EHMT1: variants seen among roughly 807,000 people sequenced by gnomAD.
EHMT1 encodes the protein histone-lysine N-methyltransferase EHMT1.
A neutral mutation model predicts 147.2 loss-of-function variants in EHMT1; 15 were observed. The ratio of observed to expected loss-of-function variants is 0.10; its 90% CI spans 0.07 to 0.16. The LOEUF is 0.16. Among genes scored for constraint, EHMT1 ranks in the 10% least tolerant of loss-of-function variants. EHMT1 has a pLI of 1.00. For missense variants in EHMT1, 1,587 were observed against 1,772.4 expected (o/e 0.90, Z 1.88); for synonymous variants, 795 against 709.6 (o/e 1.12, Z -1.91).
chr9:137,708,860 C>T (rs1319707836), intron 1 of EHMT1, among the ~76,000 whole-genome samples: 3 of 152,300 alleles, frequency 2.0e-5, no homozygotes, highest in Middle Eastern at 3.4e-3. Flanking sequence ...GCCAGTTGTT[C>T]TTTTAAGTGA....
Position 137,736,986 on chromosome 9 carries a change from T to G in EHMT1, c.824-6385T>G, listed in dbSNP as rs1451745413. On this transcript the variant is annotated intron_variant, in intron 4 of 26. Transcript: ENST00000460843. ...GAGAGGCCACGGTGAGCTGGTCACT[T>G]GAGCTCAGGAGTTCCAGAGCGGCCT... is the stretch of plus-strand genomic sequence containing the variant. Among the ~76,000 whole-genome samples the G allele has an allele frequency of 3.3e-5, 5 of 152,138 alleles. No individual in the cohort carries two copies. The East Asian group carries it at 9.6e-4, about 29-fold the overall frequency.
At chr9:137,638,705 G>T (rs911417533) in intron 1 of EHMT1, among the ~76,000 whole-genome samples, 5 of 152,038 alleles carry the variant, frequency 3.3e-5, no homozygotes, top group Admixed American at 2.0e-4. Context: ...AGTTGAGTAG[G>T]GTAGGCCTCT....
intron 1 of EHMT1, among the ~76,000 whole-genome samples, chr9:137,679,965 C>A (rs566676470): frequency 6.6e-6 from 1 of 152,286 alleles, no homozygotes; most frequent in South Asian, 2.1e-4. Flanking sequence ...CTTCTCCTCC[C>A]AGTACTTAGC....
At chr9:137,756,599 T>C (rs1412924247) in intron 8 of EHMT1, among the ~76,000 whole-genome samples, 2 of 152,142 alleles carry the variant, frequency 1.3e-5, no homozygotes, top group African/African-American at 4.8e-5. Context: ...TTCAGTTACG[T>C]TTCTCTTCAC....
intron 1 of EHMT1, among the ~76,000 whole-genome samples, chr9:137,703,439 C>T (rs879327917): frequency 2.0e-5 from 3 of 152,152 alleles, no homozygotes; most frequent in Non-Finnish European, 2.9e-5. Context: ...TTCGTGCACG[C>T]ATGTGAGTGT....
intron 13 of EHMT1, 124 bp from the exon 14 acceptor site, chr9:137,779,511 G>T (rs1951217681): frequency 4.0e-6 from 4 of 991,962 alleles, no homozygotes; most frequent in Admixed American, 4.0e-5. Context: ...AGCTTCATGT[G>T]TGGGACGCGG....
rs186836651 is a variant in EHMT1, at chr9:137,786,582, G to A, written c.2382+4185G>A. The A allele has an allele frequency of 3.4e-3, 530 of 156,694 alleles. 2 individuals carry two copies. Among genetic ancestry groups the A allele is most frequent in the Non-Finnish European group, 5.3e-3 (378 of 71,388 alleles). The allele number at this position is 156,694 out of a possible 1,614,324, so 9.7% of individuals were successfully genotyped here. On this transcript the variant is annotated intron_variant, in intron 15 of 26. Coordinates refer to ENST00000460843, the MANE Select transcript of EHMT1 (RefSeq NM_024757.5). The surrounding 1 kb of genome is among the most constrained non-coding windows in gnomAD (Gnocchi z 4.3). ...TCTCCCGGGCTCCGGTCTTGGTCGT[G>A]TGGAGTCATCTCTCCCGGGCTCTGG... is the stretch of plus-strand genomic sequence containing the variant.
At chr9:137,627,465 A>G (rs1010870646) in intron 1 of EHMT1, among the ~76,000 whole-genome samples, 1 of 151,828 alleles carries the variant, frequency 6.6e-6, no homozygotes, top group Non-Finnish European at 1.5e-5. Context: ...GGGTTTCACC[A>G]TGTTGGTCAG....
At chr9:137,629,208 T>G (rs1199292160) in intron 1 of EHMT1, among the ~76,000 whole-genome samples, 1 of 151,366 alleles carries the variant, frequency 6.6e-6, no homozygotes, top group African/African-American at 2.4e-5. Context: ...TTCTCCAGCC[T>G]CAGCCTCCCG....
At chr9:137,715,232 G>A (rs911640807) in intron 2 of EHMT1, among the ~76,000 whole-genome samples, 4 of 152,170 alleles carry the variant, frequency 2.6e-5, no homozygotes, top group African/African-American at 9.7e-5. Flanking sequence ...TCAGACACTG[G>A]TAGTGTTAAT....
intron 10 of EHMT1, among the ~76,000 whole-genome samples, chr9:137,769,260 AAGTAT>A (rs1189906111): frequency 7.2e-6 from 1 of 138,418 alleles, no homozygotes; most frequent in Non-Finnish European, 1.6e-5. Context: ...TTTTTGCTTT[AAGTAT>A]TTTTTTTTAG....
At chr9:137,669,186 C>T (rs1444103676) in intron 1 of EHMT1, among the ~76,000 whole-genome samples, 2 of 152,126 alleles carry the variant, frequency 1.3e-5, no homozygotes, top group East Asian at 1.9e-4. Context: ...TGTTCCCGGC[C>T]TAGAAGTAGG....
intron 25 of EHMT1, among the ~76,000 whole-genome samples, chr9:137,830,421 T>G (rs368279344): frequency 1.3e-5 from 2 of 152,260 alleles, no homozygotes; most frequent in African/African-American, 4.8e-5. Flanking sequence ...GACAGAGTTA[T>G]GAAGTAAATA....
chr9:137,665,587 G>T (rs1939546362), intron 1 of EHMT1, among the ~76,000 whole-genome samples: 1 of 152,184 alleles, frequency 6.6e-6, no homozygotes, highest in Non-Finnish European at 1.5e-5. Context: ...TGAGTTCCTT[G>T]TGAGAGGGCT....
intron 18 of EHMT1, among the ~76,000 whole-genome samples, chr9:137,808,193 C>G (rs73669181): frequency 6.6e-6 from 1 of 152,150 alleles, no homozygotes. Flanking sequence ...TTTGAGTGCA[C>G]ATTCTCAACA....
intron 10 of EHMT1, among the ~76,000 whole-genome samples, chr9:137,772,819 G>C (rs4979648): frequency 6.6e-6 from 1 of 152,042 alleles, no homozygotes; most frequent in Non-Finnish European, 1.5e-5. Flanking sequence ...GGCCACCCCA[G>C]TGCATCTGTG....
At chr9:137,814,837 T>C (rs113444087) in intron 22 of EHMT1, 108 of 492,498 alleles carry the variant, frequency 2.2e-4, no homozygotes, top group African/African-American at 2.0e-3. Flanking sequence ...AAGCTGTGCC[T>C]TGTGCTTGCT....
At chr9:137,765,680 G>GC (rs61593797) in intron 10 of EHMT1, among the ~76,000 whole-genome samples, 130,718 of 132,142 alleles carry the variant, frequency 0.99, 64,648 homozygotes, top group East Asian at 1. Context: ...CGCCCCCGCC[G>GC]CCCCAGCCTG....
intron 1 of EHMT1, among the ~76,000 whole-genome samples, chr9:137,622,677 G>A (rs548786772): frequency 1.3e-5 from 2 of 152,156 alleles, no homozygotes; most frequent in African/African-American, 2.4e-5. Flanking sequence ...GCCGAGATGA[G>A]AGGATCCCCT....
Sources: allele counts gnomAD v4.1 joint callset (sites outside exome capture counted in the v4.1 genomes callset), GRCh38; gene constraint gnomAD v4.1.1; non-coding constraint Gnocchi (gnomAD v3.1); transcripts MANE v1.5; gene names NCBI Gene and HGNC (gene_info 2026-07-23, HGNC 2026-07-21).